Variants in DCX observed in about 807,000 individuals in gnomAD.
The protein encoded by DCX is neuronal migration protein doublecortin.
A neutral mutation model predicts 20.9 loss-of-function variants in DCX; 4 were observed. The ratio of observed to expected loss-of-function variants is 0.19; its 90% CI spans 0.09 to 0.44. The LOEUF (loss-of-function observed/expected upper bound fraction) is 0.44, where lower values mean the gene tolerates loss of function less well. DCX is among the 20% of genes least tolerant of loss of function. DCX has a pLI of 0.99. For missense variants in DCX, 133 were observed against 296.9 expected, an observed-to-expected ratio of 0.45 and a Z score of 4.06; for synonymous variants, 103 against 111.4, an observed-to-expected ratio of 0.92 and a Z score of 0.47.
chrX:111,337,514 G>T (rs1157166827), intron 3 of DCX, among the ~76,000 whole-genome samples: 1 of 111,683 alleles, frequency 9.0e-6, no homozygotes, highest in Non-Finnish European at 1.9e-5. Context: ...GGAGACAACA[G>T]ATCACGGTGT....
intron 3 of DCX, among the ~76,000 whole-genome samples, chrX:111,382,552 G>A (rs1926059637): frequency 8.9e-6 from 1 of 111,935 alleles, no homozygotes; most frequent in Non-Finnish European, 1.9e-5. Flanking sequence ...TTTTACTAGG[G>A]CTTTGAATGG....
At position 111,379,971 on chromosome X, in the gene DCX, T is replaced by G. The variant is rs752151514; in HGVS notation, c.705+21019A>C. 5.4e-5 allele frequency among the ~76,000 whole-genome samples: 6 copies of G among 112,105 alleles called. No individual in the cohort carries two copies. The East Asian group carries it at 1.7e-3, about 32-fold the overall frequency. On this transcript the variant is annotated intron_variant, in intron 3 of 6. Coordinates refer to ENST00000636035, the MANE Select transcript of DCX (RefSeq NM_001195553.2). ...GCTAATTATGTTGAGCATCTTTTCATGTACGTGCTCCTTGGAGAAATATCT... is the reference window on the plus strand; with the variant it reads ...GCTAATTATGTTGAGCATCTTTTCAGGTACGTGCTCCTTGGAGAAATATCT...
At chrX:111,305,860 G>A (rs1269454072) in intron 6 of DCX, among the ~76,000 whole-genome samples, 1 of 110,867 alleles carries the variant, frequency 9.0e-6, no homozygotes, top group Non-Finnish European at 1.9e-5. Context: ...AATCAAGTTT[G>A]TATTAATCTT....
In DCX at chrX:111,410,424, A is replaced by G. The variant is rs767019448; in HGVS notation, c.-22-4T>C. ...ATTTTGGTGGAACCTCAGAGACCTGAGCGTGGGAGAAAGGGATGGGGGTGA... is the reference window on the plus strand; with the variant it reads ...ATTTTGGTGGAACCTCAGAGACCTGGGCGTGGGAGAAAGGGATGGGGGTGA... On this transcript the variant is annotated splice_region_variant and splice_polypyrimidine_tract_variant and intron_variant, in intron 1 of 6. Coordinates refer to ENST00000636035, the MANE Select transcript of DCX (RefSeq NM_001195553.2). 2.5e-6 allele frequency: 3 copies of G among 1,206,987 alleles called. No homozygotes were observed. The African/African-American group carries it at 5.3e-5, about 21-fold the overall frequency.
Position 111,381,098 on chromosome X carries a change from A to G in DCX, c.705+19892T>C, listed in dbSNP as rs933029485. ...CATTTTGTTTCTTAAAAATTTTTAA[A>G]TGGTAGAAATGATGTTCTGGAAAGA... is the stretch of plus-strand genomic sequence containing the variant. On this transcript the variant is annotated intron_variant, in intron 3 of 6. Transcript: ENST00000636035. Among the ~76,000 whole-genome samples, 8 of 110,682 alleles carry G rather than the reference A, an allele frequency of 7.2e-5. 1 individual carries two copies. Among genetic ancestry groups the G allele is most frequent in the Admixed American group, 4.9e-4 (5 of 10,308 alleles).
At chrX:111,363,596 T>C (rs1924382187) in intron 3 of DCX, among the ~76,000 whole-genome samples, 1 of 109,922 alleles carries the variant, frequency 9.1e-6, no homozygotes, top group South Asian at 4.1e-4. Flanking sequence ...ATTAATCATC[T>C]TCTTCACCAC....
intron 3 of DCX, among the ~76,000 whole-genome samples, chrX:111,349,313 G>C (rs1923120967): frequency 9.0e-6 from 1 of 111,377 alleles, no homozygotes; most frequent in South Asian, 3.8e-4. Context: ...AGGCTTAACT[G>C]TACCCCCCTT....
At chrX:111,306,116 T>C (rs1313754322) in intron 6 of DCX, among the ~76,000 whole-genome samples, 2 of 110,988 alleles carry the variant, frequency 1.8e-5, no homozygotes, top group Non-Finnish European at 3.8e-5. Flanking sequence ...GATAAAGCAA[T>C]CCAATTAAAG....
chrX:111,309,002 C>A, intron 6 of DCX, among the ~76,000 whole-genome samples: 1 of 110,894 alleles, frequency 9.0e-6, no homozygotes, highest in Non-Finnish European at 1.9e-5. Flanking sequence ...ATGCTATCTG[C>A]CCTGTCTCTT....
At chrX:111,411,123 T>C in intron 1 of DCX, 1 of 484,644 alleles carries the variant, frequency 2.1e-6, no homozygotes, top group Non-Finnish European at 3.6e-6. Flanking sequence ...CTGGTGCAGC[T>C]ATCCGACATT....
chrX:111,376,127 GA>G (rs1182337720), intron 3 of DCX, among the ~76,000 whole-genome samples: 1 of 112,039 alleles, frequency 8.9e-6, no homozygotes, highest in Non-Finnish European at 1.9e-5. Flanking sequence ...AGGGGCTATT[GA>G]AAACATCAAT....
chrX:111,328,665 A>C (rs765057756), intron 5 of DCX, among the ~76,000 whole-genome samples: 2 of 111,837 alleles, frequency 1.8e-5, no homozygotes, highest in African/African-American at 3.2e-5. Context: ...ACTGCTTCCA[A>C]TGAATATAAT....
intron 3 of DCX, among the ~76,000 whole-genome samples, chrX:111,396,381 A>C (rs893460306): frequency 8.9e-6 from 1 of 112,245 alleles, no homozygotes; most frequent in South Asian, 3.7e-4. Flanking sequence ...TGTCTTAGGC[A>C]TGTATATTGA....
intron 2 of DCX, among the ~76,000 whole-genome samples, chrX:111,407,802 GCACACA>G (rs34206475): frequency 0.024 from 2,186 of 90,253 alleles, 83 homozygotes; most frequent in African/African-American, 0.082. Context: ...ACATCAATAC[GCACACA>G]CACACACACA....
chrX:111,319,905 C>T (rs1423492963), intron 5 of DCX, among the ~76,000 whole-genome samples: 3 of 112,326 alleles, frequency 2.7e-5, no homozygotes, highest in Non-Finnish European at 1.9e-5. Flanking sequence ...ATATTCTCTG[C>T]ATATGTGTAC....
Position 111,410,357 on chromosome X carries a change from T to C in DCX, c.42A>G (p.Thr14=). 1 of 1,211,477 alleles carries C rather than the reference T, an allele frequency of 8.3e-7. No homozygotes were observed. The highest frequency in any genetic ancestry group is 3.0e-5 in the East Asian group (1 of 33,808). ...TCCGGGAGCCTCGCATGTTCCTGGATGTCTTATCTCTTTCGTCAAAGTGTC... is the reference window on the plus strand; with the variant it reads ...TCCGGGAGCCTCGCATGTTCCTGGACGTCTTATCTCTTTCGTCAAAGTGTC... ...DFGHFDERDK[T]SRNMRGSRMN... Residue 14 remains threonine, a synonymous_variant, in exon 2 of 7, where the codon ACA becomes ACG. Transcript: ENST00000636035.
At chrX:111,305,608 C>T (rs1603411845) in intron 6 of DCX, among the ~76,000 whole-genome samples, 1 of 104,937 alleles carries the variant, frequency 9.5e-6, no homozygotes, top group East Asian at 2.9e-4. Flanking sequence ...TTCTCCATCT[C>T]TGTATATTTG....
At chrX:111,308,644 T>C (rs1029903270) in intron 6 of DCX, among the ~76,000 whole-genome samples, 9 of 111,026 alleles carry the variant, frequency 8.1e-5, no homozygotes, top group African/African-American at 3.0e-4. Flanking sequence ...TCAAAGGGCC[T>C]CTCCAAGCAC....
chrX:111,385,890 A>G (rs749138751), intron 3 of DCX, among the ~76,000 whole-genome samples: 255 of 110,255 alleles, frequency 2.3e-3, no homozygotes, highest in Non-Finnish European at 4.3e-3. Flanking sequence ...TTTCCTAGAG[A>G]CTGTAAACTC....
Sources: allele counts gnomAD v4.1 joint callset (sites outside exome capture counted in the v4.1 genomes callset), GRCh38; gene constraint gnomAD v4.1.1; transcripts MANE v1.5; gene names NCBI Gene and HGNC (gene_info 2026-07-23, HGNC 2026-07-21).